Variants in FAT1 observed in about 807,000 individuals in gnomAD.
FAT1 encodes protocadherin Fat 1.
Under a neutral mutation model 329.8 loss-of-function variants are expected in FAT1, and 171 were observed. The observed-to-expected ratio is 0.52, with a 90% CI of 0.46 to 0.59. The LOEUF (loss-of-function observed/expected upper bound fraction) is 0.59. Among genes scored for constraint, FAT1 ranks in the 20% least tolerant of loss-of-function variants. The pLI is 0.00. For missense variants in FAT1, 5,672 were observed against 5,774.4 expected (o/e 0.98, Z 0.57); for synonymous variants, 2,233 against 2,228.6 (o/e 1.00, Z -0.06).
chr4:186,706,348 A>T (rs1744589648), intron 2 of FAT1, among the ~76,000 whole-genome samples: 1 of 152,104 alleles, frequency 6.6e-6, no homozygotes, highest in African/African-American at 2.4e-5. Flanking sequence ...ACGCCACTTA[A>T]ATCACTCAGG....
chr4:186,714,315 A>C (rs1170559728), intron 1 of FAT1, among the ~76,000 whole-genome samples: 1 of 152,082 alleles, frequency 6.6e-6, no homozygotes, highest in Non-Finnish European at 1.5e-5. Flanking sequence ...ACAGTACCAG[A>C]GAAGATGCCA....
intron 10 of FAT1, 117 bp from the exon 11 acceptor site, chr4:186,617,318 T>C (rs1739760699): frequency 2.7e-6 from 2 of 752,774 alleles, no homozygotes; most frequent in Non-Finnish European, 4.0e-6. Flanking sequence ...GAATTGAGTA[T>C]TAAAAGAATT....
Position 186,646,359 on chromosome 4 carries a change from A to G in FAT1, c.3581-6576T>C, listed in dbSNP as rs1174165106. On this transcript the variant is annotated intron_variant, in intron 3 of 26. Transcript: ENST00000441802. ...GGCCTTTCCGCCCTTTTATTTTACA[A>G]TAATTCATGAACCACAGCCATACAC... Among the ~76,000 whole-genome samples the G allele has an allele frequency of 2.6e-5, 4 of 152,174 alleles. No homozygotes were observed. The East Asian group carries it at 7.7e-4, about 29-fold the overall frequency.
intron 1 of FAT1, among the ~76,000 whole-genome samples, chr4:186,714,819 C>G (rs560106213): frequency 6.6e-6 from 1 of 152,346 alleles, no homozygotes; most frequent in East Asian, 1.9e-4. Flanking sequence ...GTGGCTCACG[C>G]CTGTAATCCC....
intron 2 of FAT1, among the ~76,000 whole-genome samples, chr4:186,676,601 T>C (rs1742968120): frequency 6.6e-6 from 1 of 152,196 alleles, no homozygotes; most frequent in African/African-American, 2.4e-5. Flanking sequence ...CAAGGCACTA[T>C]TCAATGATTA....
At position 186,636,997 on chromosome 4, in the gene FAT1, T is replaced by C. The variant is rs957957321; in HGVS notation, c.3643-83A>G. On this transcript the variant is annotated intron_variant, in intron 4 of 26. Transcript: ENST00000441802. ...ATCTTCTTCCTCATGCTACTCCGCA[T>C]GTGTGTAAAGCTCTGCATTTTGCAG... is the stretch of plus-strand genomic sequence containing the variant. 3.8e-5 allele frequency: 48 copies of C among 1,257,220 alleles called. No homozygotes were observed. The Middle Eastern group carries it at 6.4e-4, about 17-fold the overall frequency. The allele number at this position is 1,257,220 out of a possible 1,614,324, so 77.9% of individuals were successfully genotyped here. A position where few individuals can be genotyped will look rare whatever the true frequency, so the allele number is the denominator to read the frequency against.
chr4:186,635,067 C>T (rs1226039132), intron 6 of FAT1, among the ~76,000 whole-genome samples: 2 of 152,222 alleles, frequency 1.3e-5, no homozygotes, highest in African/African-American at 2.4e-5. Context: ...ACATCAATTT[C>T]ACACAATCAC....
At chr4:186,720,302 C>A (rs928649957) in intron 1 of FAT1, among the ~76,000 whole-genome samples, 32 of 152,106 alleles carry the variant, frequency 2.1e-4, no homozygotes, top group Non-Finnish European at 4.0e-4. Context: ...TCTCCTTAAC[C>A]TCTGCCTCAT....
chr4:186,604,524 C>T lies in FAT1; in HGVS notation c.10401G>A (p.Glu3467=), dbSNP rs1359444756. 1 of 1,613,694 alleles carries T rather than the reference C, an allele frequency of 6.2e-7. No individual in the cohort carries two copies. Among genetic ancestry groups the T allele is most frequent in the South Asian group, 1.1e-5 (1 of 91,040 alleles). Reference sequence around the variant, plus strand: ...AGGGTGGACCGTTATGGGAAGAATCCTCATCTGTTACTACCAGCTGCAGCA... The same window carrying T: ...AGGGTGGACCGTTATGGGAAGAATCTTCATCTGTTACTACCAGCTGCAGCA... The part of the protein sequence containing the change: ...FSVLQLVVTD[E]DSSHNGPPFF... The change falls in exon 18 of 27, where the codon GAG becomes GAA. Residue 3467 remains glutamate (E), a synonymous_variant. Transcript: ENST00000441802.
At chr4:186,636,329 G>A (rs1740815063) in intron 5 of FAT1, 94 bp from the exon 6 acceptor site, 3 of 1,174,668 alleles carry the variant, frequency 2.6e-6, no homozygotes, top group Non-Finnish European at 1.2e-6. Context: ...CTTAAACTGA[G>A]CCAATTTCAA....
At chr4:186,688,857 T>C (rs1266134052) in intron 2 of FAT1, among the ~76,000 whole-genome samples, 1 of 152,044 alleles carries the variant, frequency 6.6e-6, no homozygotes, top group Non-Finnish European at 1.5e-5. Flanking sequence ...CCTGTATTCG[T>C]TTAAACCCAA....
chr4:186,609,280 A>G lies in FAT1; in HGVS notation c.10109T>C (p.Ile3370Thr), dbSNP rs747958626. ...GTTGCCATCTATAATTGAGTAGTGG[A>G]TGTGGCTGTTGGAAGGTCCATCGGC... ...DDADGPSNSH[I>T]HYSIIDGNQG... The change falls in exon 16 of 27, where the codon ATC (isoleucine) becomes ACC (threonine). Residue 3370 changes from isoleucine (I) to threonine (T), a missense_variant. This residue lies in a region of FAT1 where 1,706 missense variants were observed against 1,859.1 expected (regional missense o/e 0.92). Transcript: ENST00000441802. 6.2e-7 allele frequency: 1 copy of G among 1,614,058 alleles called. No homozygotes were observed. Among genetic ancestry groups the G allele is most frequent in the Non-Finnish European group, 8.5e-7 (1 of 1,179,900 alleles).
chr4:186,687,605 C>A (rs553530937), intron 2 of FAT1, among the ~76,000 whole-genome samples: 1 of 152,134 alleles, frequency 6.6e-6, no homozygotes. Context: ...CAACATGGTG[C>A]GCTGGGCATT....
At chr4:186,606,302 C>T (rs550229266) in intron 16 of FAT1, 89 bp from the exon 17 acceptor site, 24 of 1,429,694 alleles carry the variant, frequency 1.7e-5, no homozygotes, top group South Asian at 5.6e-5. Context: ...TCCTGACGGG[C>T]AGGTCCCAGT....
intron 2 of FAT1, 80 bp downstream of exon 2, chr4:186,706,483 A>C (rs887400800): frequency 1.6e-5 from 23 of 1,436,054 alleles, no homozygotes; most frequent in Non-Finnish European, 2.1e-5. Context: ...AATTTTGAAG[A>C]AGCTGCCACA....
rs771744168 is a variant in FAT1, at chr4:186,620,441, C to G, written c.6145G>C (p.Val2049Leu). The G allele has an allele frequency of 6.2e-7, 1 of 1,614,032 alleles. No individual in the cohort carries two copies. Among genetic ancestry groups the G allele is most frequent in the Non-Finnish European group, 8.5e-7 (1 of 1,179,906 alleles). The change falls in exon 10 of 27, where the codon GTG becomes CTG. Residue 2049 changes from valine (V) to leucine (L), a missense_variant. Physicochemically the swap from Val to Leu is conservative, Grantham distance 32. Around this residue, in one of 2 missense-constraint regions of FAT1, gnomAD observed 3,966 missense variants for 3,915.2 expected, o/e 1.01. Transcript: ENST00000441802. ...TGTTCCTCTGTCACTTCTACAACCA[C>G]ATCAAACGCCTCCTGCTGCTCACGA... is the stretch of plus-strand genomic sequence containing the variant. ...FDREQQEAFD[V>L]VVEVTEEHKP... is the part of the protein sequence containing the mutation.
chr4:186,634,443 T>G (rs971929791), intron 6 of FAT1, among the ~76,000 whole-genome samples: 1 of 152,112 alleles, frequency 6.6e-6, no homozygotes, highest in African/African-American at 2.4e-5. Context: ...TAAAATGAAA[T>G]GGGATGAAAA....
At position 186,606,158 on chromosome 4, in the gene FAT1, A is replaced by T. The variant is rs2126448026; in HGVS notation, c.10262T>A (p.Val3421Asp). The change falls in exon 17 of 27, where the codon GTC (valine) becomes GAC (aspartate). Residue 3421 changes from valine (V) to aspartate (D), a missense_variant. Transcript: ENST00000441802. The part of the protein sequence containing the change: ...QASDNGSPPR[V>D]NTTTVNIDVS... ...ATCGATGTTCACGGTCGTCGTGTTG[A>T]CTCTGGGTGGACTGCCATTATCAGA... 1 of 1,611,656 alleles carries T rather than the reference A, an allele frequency of 6.2e-7. No homozygotes were observed. The highest frequency in any genetic ancestry group is 8.5e-7 in the Non-Finnish European group (1 of 1,179,348).
chr4:186,703,246 C>T (rs752503167), intron 2 of FAT1, among the ~76,000 whole-genome samples: 12 of 152,140 alleles, frequency 7.9e-5, no homozygotes, highest in East Asian at 1.9e-4. Context: ...GTACAAACCA[C>T]GGAGCTAAGA....
Sources: allele counts gnomAD v4.1 joint callset (sites outside exome capture counted in the v4.1 genomes callset), GRCh38; gene constraint gnomAD v4.1.1; regional missense constraint gnomAD v4.1.1; transcripts MANE v1.5; gene names NCBI Gene and HGNC (gene_info 2026-07-23, HGNC 2026-07-21).